MTMR9: variants seen among roughly 807,000 people sequenced by gnomAD.
MTMR9 encodes the protein myotubularin related protein 9, also known as myotubularin-related protein 9.
In MTMR9, 39 loss-of-function variants were observed where a neutral mutation model predicts 69.5. The ratio of observed to expected loss-of-function variants is 0.56; its 90% CI spans 0.43 to 0.73. The LOEUF is 0.73. MTMR9 is among the 30% of genes least tolerant of loss of function. The pLI, the probability that MTMR9 is intolerant of heterozygous loss-of-function variation, is 0.00. For synonymous variants in MTMR9, 354 were observed against 240.8 expected (o/e 1.47, Z -4.35); for missense variants, 900 against 671.2 (o/e 1.34, Z -3.77).
the MTMR9 span, among the ~76,000 whole-genome samples, chr8:11,336,768 G>A: frequency 2.0e-5 from 3 of 152,208 alleles, no homozygotes. Flanking sequence ...AGCAGGCAAT[G>A]CAGCAGAAGT....
At chr8:11,332,314 A>G (rs1334182655), downstream of MTMR9, 7 of 1,031,992 alleles carry the variant, frequency 6.8e-6, no homozygotes, top group Non-Finnish European at 9.2e-6. Flanking sequence ...CATGCAAACA[A>G]ATGAGAAATC....
chr8:11,321,235 T>G, intron 9 of MTMR9: 1 of 347,292 alleles, frequency 2.9e-6, no homozygotes, highest in South Asian at 2.2e-5. Context: ...GGTGTGAGCT[T>G]TAGTGCTTTG....
chr8:11,336,914 G>T, the MTMR9 span, among the ~76,000 whole-genome samples: 1 of 152,178 alleles, frequency 6.6e-6, no homozygotes, highest in African/African-American at 2.4e-5. Context: ...AGCTTGGAAA[G>T]TCAGATAACT....
chr8:11,315,286 C>T (rs1224059096), intron 7 of MTMR9, among the ~76,000 whole-genome samples: 1 of 152,176 alleles, frequency 6.6e-6, no homozygotes, highest in Non-Finnish European at 1.5e-5. Context: ...CTCCTGTTGG[C>T]TGTGCTTTAT....
downstream of MTMR9, chr8:11,331,660 C>T (rs142695788): frequency 6.8e-6 from 11 of 1,612,132 alleles, no homozygotes; most frequent in East Asian, 4.5e-5. Flanking sequence ...GAGGGGACCA[C>T]AGGTGTCTAC....
At chr8:11,339,276 G>C in the MTMR9 span, among the ~76,000 whole-genome samples, 7 of 152,156 alleles carry the variant, frequency 4.6e-5, no homozygotes, top group African/African-American at 1.7e-4. Context: ...GACCTACAAA[G>C]CCTCTGACAA....
chr8:11,328,430 T>C (rs1357844194), downstream of MTMR9, among the ~76,000 whole-genome samples: 1 of 152,102 alleles, frequency 6.6e-6, no homozygotes, highest in Admixed American at 6.6e-5. Context: ...TGTGACCCTG[T>C]CTTCTAAATA....
rs1157868501 is a variant in MTMR9, at chr8:11,326,313, G to C, written c.*3525G>C. 2 of 152,202 alleles carry C rather than the reference G, an allele frequency of 1.3e-5. No homozygotes were observed. Among genetic ancestry groups the C allele is most frequent in the African/African-American group, 4.8e-5 (2 of 41,460 alleles). The allele number at this position is 152,202 out of a possible 1,614,324, so 9.4% of individuals were successfully genotyped here. On this transcript the variant is annotated 3_prime_UTR_variant, in exon 10 of 10. Coordinates refer to ENST00000221086, the MANE Select transcript of MTMR9 (RefSeq NM_015458.4). ...TTTGGTATTTGCCCACTTCTAGATA[G>C]AATGAATGAAAACAACACAAGCGTT... is the stretch of plus-strand genomic sequence containing the variant.
At chr8:11,306,986 C>A (rs1177583141) in intron 5 of MTMR9, among the ~76,000 whole-genome samples, 3 of 152,204 alleles carry the variant, frequency 2.0e-5, no homozygotes, top group African/African-American at 7.2e-5. Context: ...TCTTTCTGTG[C>A]ATGGGTGCCT....
In MTMR9 at chr8:11,284,994, T is replaced by G. The variant is rs1465615139; in HGVS notation, c.106T>G (p.Leu36Val). Residue 36 changes from leucine to valine, a missense_variant, in exon 1 of 10, where the codon TTG becomes GTG. Coordinates refer to ENST00000221086, the MANE Select transcript of MTMR9 (RefSeq NM_015458.4). ...EGTLCLTGHH[L>V]ILSSRQDNTE... ...CACCCTGTGCCTGACGGGCCACCAC[T>G]TGATCCTGTCCTCCCGGCAGGACAA... 1 of 1,613,666 alleles carries G rather than the reference T, an allele frequency of 6.2e-7. No individual in the cohort carries two copies. The highest frequency in any genetic ancestry group is 8.5e-7 in the Non-Finnish European group (1 of 1,179,894).
Position 11,323,545 on chromosome 8 carries a change from G to T in MTMR9, c.*757G>T, listed in dbSNP as rs79956085. On this transcript the variant is annotated 3_prime_UTR_variant, in exon 10 of 10. Coordinates refer to ENST00000221086, the MANE Select transcript of MTMR9 (RefSeq NM_015458.4). ...ATTGTTACTGGTGAATTGGTTTTCA[G>T]GTTTTGAGCATACATATACAATGTG... is the stretch of plus-strand genomic sequence containing the variant. 1 of 152,174 alleles carries T rather than the reference G, an allele frequency of 6.6e-6. No individual in the cohort carries two copies. Among genetic ancestry groups the T allele is most frequent in the East Asian group, 1.9e-4 (1 of 5,204 alleles). The allele number at this position is 152,174 out of a possible 1,614,324, so 9.4% of individuals were successfully genotyped here.
At chr8:11,334,863 C>A in the MTMR9 span, among the ~76,000 whole-genome samples, 1 of 152,170 alleles carries the variant, frequency 6.6e-6, no homozygotes, top group Admixed American at 6.5e-5. Flanking sequence ...TCAGTAAATG[C>A]AGAAAAAGCT....
intron 3 of MTMR9, 135 bp downstream of exon 3, chr8:11,300,283 A>G: frequency 2.1e-6 from 2 of 947,234 alleles, no homozygotes; most frequent in Non-Finnish European, 3.1e-6. Flanking sequence ...TATATTTAAA[A>G]GGATTGAAGC....
chr8:11,332,156 A>C (rs777615048), downstream of MTMR9: 2 of 1,611,462 alleles, frequency 1.2e-6, no homozygotes, highest in South Asian at 2.2e-5. Flanking sequence ...GTTGGGAGGG[A>C]CAGGGATAAA....
At chr8:11,287,851 AT>A (rs1349616607) in intron 1 of MTMR9, among the ~76,000 whole-genome samples, 2 of 118,080 alleles carry the variant, frequency 1.7e-5, no homozygotes, top group African/African-American at 7.5e-5. Context: ...ATTTTATTAT[AT>A]ATGTTATATA....
rs757365182 is a variant in MTMR9, at chr8:11,325,075, C to T, written c.*2287C>T. On this transcript the variant is annotated 3_prime_UTR_variant, in exon 10 of 10. Coordinates refer to ENST00000221086, the MANE Select transcript of MTMR9 (RefSeq NM_015458.4). ...TTTCGTTTTCTCTGTCTCACTGAGA[C>T]AACAATCTATACTGTTTTGGCAAGT... 6 of 152,152 alleles carry T rather than the reference C, an allele frequency of 3.9e-5. No homozygotes were observed. Among genetic ancestry groups the T allele is most frequent in the Non-Finnish European group, 5.9e-5 (4 of 68,028 alleles). The allele number at this position is 152,152 out of a possible 1,614,324, so 9.4% of individuals were successfully genotyped here.
intron 5 of MTMR9, among the ~76,000 whole-genome samples, chr8:11,306,799 T>G (rs1477010970): frequency 6.6e-6 from 1 of 152,208 alleles, no homozygotes; most frequent in East Asian, 1.9e-4. Flanking sequence ...ACAGAACTAA[T>G]TCCTCCTAAG....
the MTMR9 span, among the ~76,000 whole-genome samples, chr8:11,336,185 G>A: frequency 1.3e-5 from 2 of 152,198 alleles, no homozygotes; most frequent in East Asian, 3.8e-4. Context: ...ATTAGATTCT[G>A]GTGTTGATAG....
At chr8:11,310,782 CAG>C (rs1022575137) in intron 6 of MTMR9, among the ~76,000 whole-genome samples, 1 of 151,180 alleles carries the variant, frequency 6.6e-6, no homozygotes, top group African/African-American at 2.4e-5. Flanking sequence ...TTTTATGAAA[CAG>C]GAATTGTAAT....
Sources: gnomAD v4.1 joint callset for allele counts (sites outside exome capture counted in the v4.1 genomes callset) on GRCh38, gnomAD v4.1.1 for gene constraint, MANE v1.5 for transcripts, NCBI Gene and HGNC (gene_info 2026-07-23, HGNC 2026-07-21) for gene names.